The following DKC1 variants were observed in gnomAD, a reference collection of about 807,000 sequenced individuals.
The protein encoded by DKC1 is dyskerin pseudouridine synthase 1.
In DKC1, 4 loss-of-function variants were observed where a neutral mutation model predicts 46.7. The observed-to-expected ratio is 0.09, with a 90% CI of 0.04 to 0.20. The LOEUF is 0.20. Among genes scored for constraint, DKC1 ranks in the 10% least tolerant of loss-of-function variants. The probability of loss-of-function intolerance (pLI) is 1.00; values close to 1 mark genes in which losing one functional copy is unlikely to be tolerated. For synonymous variants in DKC1, 141 were observed against 142.4 expected (o/e 0.99, Z 0.07); for missense variants, 171 against 404.2 (o/e 0.42, Z 4.95).
chrX:154,763,058 C>T (rs1384184963), intron 1 of DKC1, 77 bp downstream of exon 1: 2 of 1,078,747 alleles, frequency 1.9e-6, no homozygotes, highest in Non-Finnish European at 2.5e-6. Flanking sequence ...GTATCGGGGC[C>T]CGCGCACGCC....
Position 154,776,095 on chromosome X carries a change from T to G in DKC1, c.1339-92T>G, listed in dbSNP as rs2071891789. 7 of 1,108,087 alleles carry G rather than the reference T, an allele frequency of 6.3e-6. No individual in the cohort carries two copies. The South Asian group carries it at 1.3e-4, about 20-fold the overall frequency. The allele number at this position is 1,108,087 out of a possible 1,213,427, so 91.3% of individuals were successfully genotyped here. ...CGTCCTGTTAGATTCAGTTGGGATC[T>G]TTCTTGGTGCCTTGCTACCTTTTGA... On this transcript the variant is annotated intron_variant, in intron 13 of 14. Transcript: ENST00000369550.
At chrX:154,766,194 AT>A (rs782278756) in intron 4 of DKC1, 21 bp from the exon 5 acceptor site, 10,790 of 726,011 alleles carry the variant, frequency 0.015, no homozygotes, top group Non-Finnish European at 0.017. Flanking sequence ...TGATACATTA[AT>A]TTTTTTTTTT....
intron 5 of DKC1, among the ~76,000 whole-genome samples, 170 bp from the exon 6 acceptor site, chrX:154,766,827 T>G (rs1157211422): frequency 8.9e-6 from 1 of 112,329 alleles, no homozygotes; most frequent in Non-Finnish European, 1.9e-5. Context: ...GTGTCTTCAT[T>G]CTTTCCCACA....
Position 154,777,060 on chromosome X carries a change from T to C in DKC1, c.*193T>C. ...CCCATCTTGTCCTGTTTTAAGGATA[T>C]GGGTGGTGAAAGATGAAAGAGGCAG... On this transcript the variant is annotated 3_prime_UTR_variant, in exon 15 of 15. Transcript: ENST00000369550. 1 of 368,633 alleles carries C rather than the reference T, an allele frequency of 2.7e-6. No individual in the cohort carries two copies. The highest frequency in any genetic ancestry group is 4.9e-6 in the Non-Finnish European group (1 of 205,923). The allele number at this position is 368,633 out of a possible 1,213,427, so 30.4% of individuals were successfully genotyped here. A position where few individuals can be genotyped will look rare whatever the true frequency, so the allele number is the denominator to read the frequency against.
At position 154,770,818 on chromosome X, in the gene DKC1, C is replaced by G; in HGVS notation, c.975C>G (p.Asp325Glu). ...IMLPGVLRYEDGIEVNQEIVV... is the reference protein window; with the variant it reads ...IMLPGVLRYEEGIEVNQEIVV... ...TTCCAGGTGTTCTTCGATATGAGGA[C>G]GGCATTGAGGTCAATCAGGAGATTG... The change falls in exon 10 of 15, where the codon GAC (aspartate) becomes GAG (glutamate). Residue 325 changes from aspartate to glutamate, a missense_variant. Coordinates refer to ENST00000369550, the MANE Select transcript of DKC1 (RefSeq NM_001363.5). 1 of 1,210,737 alleles carries G rather than the reference C, an allele frequency of 8.3e-7. No homozygotes were observed. The highest frequency in any genetic ancestry group is 1.1e-6 in the Non-Finnish European group (1 of 894,640).
intron 5 of DKC1, chrX:154,766,643 C>G (rs917311602): frequency 4.6e-6 from 2 of 438,248 alleles, no homozygotes; most frequent in Middle Eastern, 6.2e-4. Flanking sequence ...CCGGGTTCAG[C>G]TCTCAGCTTG....
intron 7 of DKC1, 28 bp from the exon 8 acceptor site, chrX:154,768,274 G>C: frequency 8.3e-7 from 1 of 1,210,841 alleles, no homozygotes; most frequent in African/African-American, 1.7e-5. Flanking sequence ...AGTAGGTGCT[G>C]CTTTTCTTTT....
At chrX:154,768,837 A>G in intron 8 of DKC1, 1 of 266,109 alleles carries the variant, frequency 3.8e-6, no homozygotes, top group Non-Finnish European at 6.7e-6. Flanking sequence ...TACAAAAAAA[A>G]TTAGCCGGGC....
Position 154,762,883 on chromosome X carries a change from G to A in DKC1, c.-83G>A. ...GCGGGTGGGTGGGTCCTAGCAGCGC[G>A]GCCTGACGGGACCAAGGCGGCGGGA... On this transcript the variant is annotated 5_prime_UTR_variant, in exon 1 of 15. Transcript: ENST00000369550. 1 of 1,115,872 alleles carries A rather than the reference G, an allele frequency of 9.0e-7. No individual in the cohort carries two copies. The highest frequency in any genetic ancestry group is 1.2e-6 in the Non-Finnish European group (1 of 825,861). 92.0% of individuals were successfully genotyped at this position (1,115,872 alleles called of 1,213,427 possible). A position where few individuals can be genotyped will look rare whatever the true frequency, so the allele number is the denominator to read the frequency against.
intron 14 of DKC1, 146 bp downstream of exon 14, chrX:154,776,470 C>T (rs782818939): frequency 3.4e-6 from 3 of 888,191 alleles, no homozygotes; most frequent in Non-Finnish European, 4.8e-6. Context: ...AGTGCTTCCC[C>T]ATGTTCCTGG....
chrX:154,776,917 A>G lies in DKC1; in HGVS notation c.*50A>G. 1 of 1,020,228 alleles carries G rather than the reference A, an allele frequency of 9.8e-7. No individual in the cohort carries two copies. The highest frequency in any genetic ancestry group is 1.4e-6 in the Non-Finnish European group (1 of 738,499). 84.1% of individuals were successfully genotyped at this position (1,020,228 alleles called of 1,213,427 possible). A position where few individuals can be genotyped will look rare whatever the true frequency, so the allele number is the denominator to read the frequency against. ...GAAACTAAAGCCTTATTGAGAAAAC[A>G]TGTTATAGATCCTTTTGTTGCTGAG... On this transcript the variant is annotated 3_prime_UTR_variant, in exon 15 of 15. Transcript: ENST00000369550.
chrX:154,773,943 C>A (rs1445439359), intron 11 of DKC1, among the ~76,000 whole-genome samples: 4 of 110,988 alleles, frequency 3.6e-5, no homozygotes, highest in Admixed American at 2.8e-4. Context: ...TGACCCCCCC[C>A]CACCTCCCTC....
rs1177007176 is a variant in DKC1 at position 154,764,941 on chromosome X, A to G, written c.59A>G (p.Lys20Arg). 8.3e-7 allele frequency: 1 copy of G among 1,206,545 alleles called. No individual in the cohort carries two copies. Among genetic ancestry groups the G allele is most frequent in the African/African-American group, 1.7e-5 (1 of 57,272 alleles). ...AAACATAAGAAGAAAAAGGAGCGGA[A>G]GTCATTGCCAGAAGAAGATGTAGCC... The part of the protein sequence containing the change: ...PKKHKKKKER[K>R]SLPEEDVAEI... The change falls in exon 2 of 15, where the codon AAG becomes AGG. Residue 20 changes from lysine (K) to arginine (R), a missense_variant. Transcript: ENST00000369550.
chrX:154,777,540 A>G lies in DKC1; in HGVS notation c.*673A>G, dbSNP rs2071915031. 1 of 112,451 alleles carries G rather than the reference A, an allele frequency of 8.9e-6. No individual in the cohort carries two copies. The highest frequency in any genetic ancestry group is 1.9e-5 in the Non-Finnish European group (1 of 53,319). The allele number at this position is 112,451 out of a possible 1,213,427, so 9.3% of individuals were successfully genotyped here. A position where few individuals can be genotyped will look rare whatever the true frequency, so the allele number is the denominator to read the frequency against. ...GAAATTGTTCATTGCTGGGAGAAGA[A>G]TGTTGTAATTTTTACTTATTAAAGT... On this transcript the variant is annotated 3_prime_UTR_variant, in exon 15 of 15. Coordinates refer to ENST00000369550, the MANE Select transcript of DKC1 (RefSeq NM_001363.5).
At position 154,766,294 on chromosome X, in the gene DKC1, G is replaced by A; in HGVS notation, c.342G>A (p.Arg114=). 1 of 1,209,924 alleles carries A rather than the reference G, an allele frequency of 8.3e-7. No individual in the cohort carries two copies. Among genetic ancestry groups the A allele is most frequent in the Non-Finnish European group, 1.1e-6 (1 of 894,530 alleles). Residue 114 remains arginine (R), a synonymous_variant, in exon 5 of 15, where the codon CGG becomes CGA. Transcript: ENST00000369550. The stretch of plus-strand genomic sequence containing the variant: ...TAGCCTGGATTCGACGGATACTTCG[G>A]GTGGAGAAGACAGGGCACAGTGGTA... The part of the protein sequence containing the change: ...EVVAWIRRIL[R]VEKTGHSGTL...
At chrX:154,763,439 C>T (rs2071706369) in intron 1 of DKC1, among the ~76,000 whole-genome samples, 1 of 112,181 alleles carries the variant, frequency 8.9e-6, no homozygotes. Context: ...AGGCCACAAG[C>T]CCGCGGGGAC....
chrX:154,768,993 CAAAAAA>C (rs1158256142), intron 8 of DKC1, among the ~76,000 whole-genome samples, 168 bp from the exon 9 acceptor site: 6 of 16,347 alleles, frequency 3.7e-4, no homozygotes, highest in Non-Finnish European at 5.7e-4. Context: ...GACTCCGTCT[CAAAAAA>C]AAAAAAAAAA....
chrX:154,776,450 G>A lies in DKC1; in HGVS notation c.1476+126G>A, dbSNP rs2071897615. 5.6e-5 allele frequency: 55 copies of A among 977,832 alleles called. 1 individual carries two copies. Among genetic ancestry groups the A allele is most frequent in the Non-Finnish European group, 7.1e-5 (50 of 703,892 alleles). The allele number at this position is 977,832 out of a possible 1,213,427, so 80.6% of individuals were successfully genotyped here. A position where few individuals can be genotyped will look rare whatever the true frequency, so the allele number is the denominator to read the frequency against. ...TGTGGCCTGGGGGTGGGATGCCACC[G>A]AGTGCCTTTAGTGCTTCCCCATGTT... On this transcript the variant is annotated intron_variant, in intron 14 of 14. Coordinates refer to ENST00000369550, the MANE Select transcript of DKC1 (RefSeq NM_001363.5).
intron 5 of DKC1, 24 bp from the exon 6 acceptor site, chrX:154,766,973 G>A: frequency 8.3e-7 from 1 of 1,204,033 alleles, no homozygotes; most frequent in Non-Finnish European, 1.1e-6. Flanking sequence ...GGCCACACCT[G>A]ACTACTCTTT....
Sources: gnomAD v4.1 joint callset for allele counts (sites outside exome capture counted in the v4.1 genomes callset) on GRCh38, gnomAD v4.1.1 for gene constraint, MANE v1.5 for transcripts, NCBI Gene and HGNC (gene_info 2026-07-23, HGNC 2026-07-21) for gene names.